PTPRR: variants seen among roughly 807,000 people sequenced by gnomAD.
PTPRR encodes protein tyrosine phosphatase receptor type R.
A neutral mutation model predicts 77.2 loss-of-function variants in PTPRR; 38 were observed. That is an observed-to-expected ratio of 0.49 (90% confidence interval 0.38 to 0.65). The LOEUF (loss-of-function observed/expected upper bound fraction) is 0.65, where lower values mean the gene tolerates loss of function less well. PTPRR is among the 30% of genes least tolerant of loss of function. PTPRR has a pLI of 0.00. For synonymous variants in PTPRR, 299 were observed against 283.1 expected, an observed-to-expected ratio of 1.06 and a Z score of -0.57; for missense variants, 744 against 799.2, an observed-to-expected ratio of 0.93 and a Z score of 0.83.
At chr12:70,720,559 T>C (rs1046416635) in intron 6 of PTPRR, among the ~76,000 whole-genome samples, 14 of 150,686 alleles carry the variant, frequency 9.3e-5, no homozygotes, top group African/African-American at 3.4e-4. Context: ...TCGCCCAGGC[T>C]GGAGTGCAGT....
rs1886574266 is a variant in PTPRR at position 70,656,271 on chromosome 12, T to C, written c.1880+433A>G. 2.6e-5 allele frequency among the ~76,000 whole-genome samples: 4 copies of C among 152,032 alleles called. No individual in the cohort carries two copies. In the South Asian group the frequency reaches 8.3e-4, roughly 32 times the overall value. ...CAGGCCAGGCATGGTGGCTCATGCC[T>C]GTAATCTCAGCGCTTTGGGAAGCCC... is the stretch of plus-strand genomic sequence containing the variant. On this transcript the variant is annotated intron_variant, in intron 13 of 13. Transcript: ENST00000283228.
chr12:70,798,348 G>A (rs10879198), intron 2 of PTPRR, among the ~76,000 whole-genome samples: 22,391 of 152,092 alleles, frequency 0.15, 2,096 homozygotes, highest in African/African-American at 0.26. Flanking sequence ...TAGCATCCCT[G>A]CTTCCATTCT....
At chr12:70,821,974 T>C (rs889813654) in intron 2 of PTPRR, among the ~76,000 whole-genome samples, 45 of 152,336 alleles carry the variant, frequency 3.0e-4, no homozygotes, top group African/African-American at 1.0e-3. Flanking sequence ...GAAACCTATG[T>C]ATTTATTAAG....
chr12:70,793,513 G>A (rs1176485303), intron 2 of PTPRR, among the ~76,000 whole-genome samples: 11 of 152,110 alleles, frequency 7.2e-5, no homozygotes, highest in Non-Finnish European at 1.3e-4. Context: ...TGGGATGCTC[G>A]AGACATTTTG....
chr12:70,720,282 G>A (rs1513102), intron 6 of PTPRR, among the ~76,000 whole-genome samples: 127,303 of 152,072 alleles, frequency 0.84, 53,616 homozygotes, highest in East Asian at 1. Flanking sequence ...ATGGAAATGT[G>A]CTTGAATGCC....
chr12:70,683,518 A>T (rs1242009847), intron 10 of PTPRR, among the ~76,000 whole-genome samples: 1 of 152,152 alleles, frequency 6.6e-6, no homozygotes. Context: ...CGTTTTCTTA[A>T]TGAGGCTCAC....
intron 6 of PTPRR, among the ~76,000 whole-genome samples, chr12:70,733,463 ATTATGG>A (rs1353083417): frequency 1.2e-5 from 1 of 81,794 alleles, no homozygotes; most frequent in Non-Finnish European, 2.4e-5. Context: ...AAAAAGAAAA[ATTATGG>A]CAAAAAAAAA....
At chr12:70,745,797 G>C (rs76507476) in intron 6 of PTPRR, 21 bp downstream of exon 6, 4 of 1,610,794 alleles carry the variant, frequency 2.5e-6, no homozygotes, top group Non-Finnish European at 3.4e-6. Context: ...CACACGTAGG[G>C]TATACAGAAC....
intron 2 of PTPRR, among the ~76,000 whole-genome samples, chr12:70,868,482 A>G (rs927466524): frequency 2.0e-5 from 3 of 152,140 alleles, no homozygotes; most frequent in African/African-American, 7.2e-5. Context: ...CAAAACCACA[A>G]TGAGATACCA....
At chr12:70,842,823 T>C (rs1198710178) in intron 2 of PTPRR, among the ~76,000 whole-genome samples, 1 of 152,210 alleles carries the variant, frequency 6.6e-6, no homozygotes, top group Admixed American at 6.6e-5. Context: ...CATGGATATC[T>C]TTTGGGGCAC....
chr12:70,733,375 C>T (rs1247811325), intron 6 of PTPRR, among the ~76,000 whole-genome samples: 3 of 145,608 alleles, frequency 2.1e-5, no homozygotes, highest in Admixed American at 1.4e-4. Context: ...AAAGATTATG[C>T]CTTACCCGCC....
chr12:70,730,115 A>G (rs1889599397), intron 6 of PTPRR, among the ~76,000 whole-genome samples: 1 of 152,210 alleles, frequency 6.6e-6, no homozygotes, highest in South Asian at 2.1e-4. Context: ...AGAGGATGTA[A>G]GTTCTAATGA....
intron 2 of PTPRR, among the ~76,000 whole-genome samples, chr12:70,776,478 A>T (rs746623108): frequency 6.6e-6 from 1 of 152,168 alleles, no homozygotes; most frequent in Non-Finnish European, 1.5e-5. Flanking sequence ...TCTGTTCAAA[A>T]TACTCTGAAA....
intron 10 of PTPRR, among the ~76,000 whole-genome samples, chr12:70,665,042 C>T (rs1203355308): frequency 6.6e-6 from 1 of 152,082 alleles, no homozygotes; most frequent in Non-Finnish European, 1.5e-5. Flanking sequence ...GCAGAAAAGG[C>T]AGGGAAGAAA....
At chr12:70,899,425 A>C (rs1383962144) in intron 1 of PTPRR, among the ~76,000 whole-genome samples, 2 of 151,496 alleles carry the variant, frequency 1.3e-5, no homozygotes, top group African/African-American at 4.8e-5. Context: ...ATATTTGAAA[A>C]ACAATCTACA....
Position 70,892,896 on chromosome 12 carries a change from G to C in PTPRR, c.140C>G (p.Ser47Ter). The C allele has an allele frequency of 6.2e-7, 1 of 1,613,510 alleles. No homozygotes were observed. Among genetic ancestry groups the C allele is most frequent in the Non-Finnish European group, 8.5e-7 (1 of 1,179,600 alleles). ...SGKPVFIYKH[S>*]QDIEKSLDIA... ...ATCCAGGCTCTTCTCAATGTCTTGTGAATGCTTATAAATGAATACCGGCTT... is the reference window on the plus strand; with the variant it reads ...ATCCAGGCTCTTCTCAATGTCTTGTCAATGCTTATAAATGAATACCGGCTT... Residue 47 changes from serine (S) to a stop codon, truncating the protein, a stop_gained, in exon 2 of 14, where the codon TCA becomes TGA. Coordinates refer to ENST00000283228, the MANE Select transcript of PTPRR (RefSeq NM_002849.4). LOFTEE classifies it high-confidence loss of function.
At chr12:70,729,555 C>T (rs537366940) in intron 6 of PTPRR, among the ~76,000 whole-genome samples, 1 of 152,262 alleles carries the variant, frequency 6.6e-6, no homozygotes, top group South Asian at 2.1e-4. Flanking sequence ...CTGTAAAATG[C>T]TATATTTTTG....
chr12:70,772,872 AT>A lies in PTPRR; in HGVS notation c.358-8095del, dbSNP rs200865263. ...AATTTCTTAAAATTTATCTTACTTT[AT>A]TTTTTTTTAAGCTTAAAACAACAGA... On this transcript the variant is annotated intron_variant, in intron 2 of 13. Transcript: ENST00000283228. 5.0e-3 allele frequency among the ~76,000 whole-genome samples: 756 copies of A among 152,008 alleles called. 9 individuals are homozygous for A. Among genetic ancestry groups the A allele is most frequent in the South Asian group, 0.011 (52 of 4,802 alleles).
chr12:70,833,014 G>T (rs1352776248), intron 2 of PTPRR, among the ~76,000 whole-genome samples: 1 of 152,088 alleles, frequency 6.6e-6, no homozygotes, highest in Non-Finnish European at 1.5e-5. Context: ...TGAACTATCA[G>T]AGCAAGAACT....
Sources: allele counts gnomAD v4.1 joint callset (sites outside exome capture counted in the v4.1 genomes callset), GRCh38; gene constraint gnomAD v4.1.1; transcripts MANE v1.5; gene names NCBI Gene and HGNC (gene_info 2026-07-23, HGNC 2026-07-21).